Variants in LMO7 observed in about 807,000 individuals in gnomAD.
LMO7 encodes the protein LIM domain only protein 7.
Under a neutral mutation model 206.5 loss-of-function variants are expected in LMO7, and 120 were observed. The ratio of observed to expected loss-of-function variants is 0.58; its 90% CI spans 0.50 to 0.68. The LOEUF (loss-of-function observed/expected upper bound fraction) is 0.68. Among genes scored for constraint, LMO7 ranks in the 30% least tolerant of loss-of-function variants. LMO7 has a pLI of 0.00. For missense variants in LMO7, 1,959 were observed against 1,957.9 expected (o/e 1.00, Z -0.01); for synonymous variants, 706 against 681.5 (o/e 1.04, Z -0.56).
At chr13:75,856,696 C>T (rs1308067132) in intron 30 of LMO7, 88 bp downstream of exon 30, 14 of 773,582 alleles carry the variant, frequency 1.8e-5, no homozygotes, top group South Asian at 1.8e-4. Context: ...AGCGAGCTCC[C>T]CTCCAAGTTC....
chr13:75,851,354 A>G (rs933693690), intron 27 of LMO7, among the ~76,000 whole-genome samples: 1 of 152,232 alleles, frequency 6.6e-6, no homozygotes, highest in Admixed American at 6.5e-5. Context: ...AGACACATCT[A>G]TACTTACATA....
chr13:75,729,983 T>G (rs1286259293), intron 3 of LMO7, among the ~76,000 whole-genome samples: 3 of 152,098 alleles, frequency 2.0e-5, no homozygotes, highest in East Asian at 1.9e-4. Context: ...GAAGCCCACT[T>G]GATCATGGTG....
chr13:75,668,101 G>A (rs985790047), intron 1 of LMO7, among the ~76,000 whole-genome samples: 14 of 152,170 alleles, frequency 9.2e-5, no homozygotes, highest in African/African-American at 3.4e-4. Context: ...CTAGCTACTT[G>A]GGAGGCTGAG....
chr13:75,800,706 T>C lies in LMO7; in HGVS notation c.485T>C (p.Leu162Pro). ...TAGGCACTCGAAGACTCCAGCTTCC[T>C]GAAAAGAAGTGGCAGGGACAGTGGC... is the stretch of plus-strand genomic sequence containing the variant. ...LTKALEDSSFLKRSGRDSGYG... is the reference protein window; with the variant it reads ...LTKALEDSSFPKRSGRDSGYG... The change falls in exon 7 of 31, where the codon CTG becomes CCG. Residue 162 changes from leucine to proline, a missense_variant. Transcript: ENST00000377534. 1 of 1,614,136 alleles carries C rather than the reference T, an allele frequency of 6.2e-7. No homozygotes were observed. The highest frequency in any genetic ancestry group is 8.5e-7 in the Non-Finnish European group (1 of 1,179,988).
intron 4 of LMO7, among the ~76,000 whole-genome samples, chr13:75,771,709 A>G (rs1376903726): frequency 6.6e-6 from 1 of 152,046 alleles, no homozygotes; most frequent in African/African-American, 2.4e-5. Flanking sequence ...GCTGGGAATA[A>G]GTGGTCTTTA....
intron 3 of LMO7, among the ~76,000 whole-genome samples, chr13:75,729,950 A>T (rs959676218): frequency 6.6e-6 from 1 of 152,058 alleles, no homozygotes; most frequent in Non-Finnish European, 1.5e-5. Context: ...GCATATATTG[A>T]ACCAGCCTTG....
intron 1 of LMO7, among the ~76,000 whole-genome samples, chr13:75,644,572 G>A (rs1216308214): frequency 6.6e-6 from 1 of 152,198 alleles, no homozygotes. Context: ...TGTGATGTTA[G>A]TGCCGTATTA....
At chr13:75,856,796 T>G in intron 30 of LMO7, 188 bp downstream of exon 30, 2 of 510,280 alleles carry the variant, frequency 3.9e-6, no homozygotes, top group Non-Finnish European at 7.1e-6. Context: ...GGGTTCCAGC[T>G]ACACAGGAGT....
chr13:75,756,549 C>T (rs1392167106), intron 3 of LMO7, among the ~76,000 whole-genome samples: 1 of 152,184 alleles, frequency 6.6e-6, no homozygotes, highest in Non-Finnish European at 1.5e-5. Context: ...CTTGAGTCTT[C>T]ATGAAGGAAC....
At chr13:75,806,413 C>CATT in intron 9 of LMO7, 1 of 174,628 alleles carries the variant, frequency 5.7e-6, no homozygotes, top group Non-Finnish European at 1.1e-5. Context: ...TAATGTATAA[C>CATT]ACGCTGCTTT....
At chr13:75,717,220 G>A (rs904215238) in intron 2 of LMO7, among the ~76,000 whole-genome samples, 3 of 151,918 alleles carry the variant, frequency 2.0e-5, no homozygotes, top group African/African-American at 4.8e-5. Flanking sequence ...AAAATTAGCC[G>A]GGTGTGGTGG....
chr13:75,641,485 C>T (rs2036523273), intron 1 of LMO7, among the ~76,000 whole-genome samples: 1 of 152,188 alleles, frequency 6.6e-6, no homozygotes. Context: ...AATCAAGATA[C>T]AGAATGCTTT....
rs2273997 is a variant in LMO7 at position 75,835,300 on chromosome 13, A to C, written c.3294A>C (p.Leu1098=). The change falls in exon 18 of 31, where the codon CTA becomes CTC. Residue 1098 remains leucine (L), a synonymous_variant. Coordinates refer to ENST00000377534, the MANE Select transcript of LMO7 (RefSeq NM_001306080.2). ...ACAACTCAGAAAAATCTTCAAATCT[A>C]TCTGTAACAACTGATTTCTCCGAAA... ...GIYNSEKSSN[L]SVTTDFSESL... The C allele has an allele frequency of 1.2e-6, 2 of 1,608,128 alleles. No homozygotes were observed. Among genetic ancestry groups the C allele is most frequent in the South Asian group, 1.1e-5 (1 of 90,124 alleles).
intron 1 of LMO7, among the ~76,000 whole-genome samples, chr13:75,660,794 A>C (rs771027841): frequency 2.6e-5 from 4 of 152,020 alleles, no homozygotes; most frequent in Non-Finnish European, 4.4e-5. Context: ...CCGTTTTTAG[A>C]AACCCGGTCC....
Position 75,840,398 on chromosome 13 carries a change from T to C in LMO7, c.3485T>C (p.Val1162Ala). 6.2e-7 allele frequency: 1 copy of C among 1,614,056 alleles called. No homozygotes were observed. Among genetic ancestry groups the C allele is most frequent in the Non-Finnish European group, 8.5e-7 (1 of 1,179,958 alleles). The change falls in exon 22 of 31, where the codon GTT becomes GCT. Residue 1162 changes from valine (V) to alanine (A), a missense_variant. Physicochemically the swap from Val to Ala is moderately conservative, Grantham distance 64. Coordinates refer to ENST00000377534, the MANE Select transcript of LMO7 (RefSeq NM_001306080.2). ...TCTCTGATAACTGGTTAGCTTCCAG[T>C]TCCAACCATCAGTGCCCCGAGTCGC... ...SSDSVVPDLP[V>A]PTISAPSRWV...
intron 2 of LMO7, among the ~76,000 whole-genome samples, chr13:75,630,410 C>T (rs762930414): frequency 1.6e-4 from 25 of 152,216 alleles, no homozygotes; most frequent in African/African-American, 4.6e-4. Flanking sequence ...CAGTGGCTCA[C>T]GCCTGTAATC....
chr13:75,833,015 G>A (rs1212416169), intron 15 of LMO7, 36 bp from the exon 16 acceptor site: 1 of 1,201,316 alleles, frequency 8.3e-7, no homozygotes, highest in African/African-American at 1.5e-5. Context: ...GGGTGCCAGG[G>A]ACACCGGATA....
At position 75,709,847 on chromosome 13, in the gene LMO7, G is replaced by T. The variant is rs550877157; in HGVS notation, c.70-3335G>T. On this transcript the variant is annotated intron_variant, in intron 1 of 30. Transcript: ENST00000377534. ...TTTGGCTTTTGTTGCCATTGCTTTT[G>T]GTGTTTTAGACATGAAGTCCTTGCT... is the stretch of plus-strand genomic sequence containing the variant. Among the ~76,000 whole-genome samples the T allele has an allele frequency of 2.0e-3, 254 of 125,082 alleles. 1 individual carries two copies. The highest frequency in any genetic ancestry group is 7.4e-3 in the African/African-American group (230 of 31,090). The allele number at this position is 125,082 out of a possible 152,430, so 82.1% of individuals were successfully genotyped here. A position where few individuals can be genotyped will look rare whatever the true frequency, so the allele number is the denominator to read the frequency against.
chr13:75,663,840 A>T (rs1276953114), intron 1 of LMO7, among the ~76,000 whole-genome samples: 1 of 152,038 alleles, frequency 6.6e-6, no homozygotes, highest in African/African-American at 2.4e-5. Context: ...TCTTTTTTTT[A>T]ATTTTTAATT....
Sources: allele counts gnomAD v4.1 joint callset (sites outside exome capture counted in the v4.1 genomes callset), GRCh38; gene constraint gnomAD v4.1.1; transcripts MANE v1.5; gene names NCBI Gene and HGNC (gene_info 2026-07-23, HGNC 2026-07-21).